The following EPHA1 variants were observed in gnomAD, a reference collection of about 807,000 sequenced individuals.
The protein encoded by EPHA1 is EPH receptor A1, also known as ephrin type-A receptor 1.
In EPHA1, 92 loss-of-function variants were observed where a neutral mutation model predicts 110.1. The observed-to-expected ratio is 0.84, with a 90% CI of 0.71 to 0.99. EPHA1 has a LOEUF of 0.99. Among genes scored for constraint, EPHA1 ranks in the 50% least tolerant of loss-of-function variants. The pLI, the probability that EPHA1 is intolerant of heterozygous loss-of-function variation, is 0.00. For missense variants in EPHA1, 1,204 were observed against 1,285.4 expected (o/e 0.94, Z 0.97); for synonymous variants, 500 against 516.1 (o/e 0.97, Z 0.42).
At position 143,391,457 on chromosome 7, in the gene EPHA1, T is replaced by A. The variant is rs1257638818; in HGVS notation, c.2931A>T (p.Ter977CysextTer64). The change falls in exon 18 of 18, where the codon TGA (stop) becomes TGT (cysteine). Residue 977 changes from the stop codon to cysteine (C), a stop_lost. Transcript: ENST00000275815. Reference protein sequence around the residue: ...ILCSIQGFKD* With the variant: ...ILCSIQGFKDC ...ATTGGGCATGGGGTGAGAGGAGGGA[T>A]CAGTCCTTGAATCCCTGAATACTGC... The A allele has an allele frequency of 6.2e-7, 1 of 1,614,034 alleles. No individual in the cohort carries two copies. Among genetic ancestry groups the A allele is most frequent in the South Asian group, 1.1e-5 (1 of 91,062 alleles).
chr7:143,396,977 G>A (rs1328704213), intron 10 of EPHA1, among the ~76,000 whole-genome samples: 5 of 152,162 alleles, frequency 3.3e-5, no homozygotes, highest in Non-Finnish European at 7.3e-5. Context: ...CTCCCGCCTG[G>A]CCTCGGCCCA....
chr7:143,404,974 A>G (rs1383118408), intron 2 of EPHA1, among the ~76,000 whole-genome samples: 1 of 117,172 alleles, frequency 8.5e-6, no homozygotes, highest in Non-Finnish European at 2.0e-5. Flanking sequence ...CAGCTCTGGG[A>G]AAAGGCAAAA....
At position 143,408,715 on chromosome 7, in the gene EPHA1, G is replaced by T. The variant is rs1805632098; in HGVS notation, c.82+9C>A. The T allele has an allele frequency of 1.4e-6, 1 of 694,796 alleles. No individual in the cohort carries two copies. Among genetic ancestry groups the T allele is most frequent in the South Asian group, 7.2e-5 (1 of 13,864 alleles). 43.0% of individuals were successfully genotyped at this position (694,796 alleles called of 1,614,324 possible). ...CGGGGGTTGGGGGCGCGGGGGCGGG[G>T]GTCGGTACCTTCCTTGGCGCGCGCC... On this transcript the variant is annotated intron_variant, in intron 1 of 17. Coordinates refer to ENST00000275815, the MANE Select transcript of EPHA1 (RefSeq NM_005232.5).
In EPHA1 at chr7:143,395,217, G is replaced by A. The variant is rs371392412; in HGVS notation, c.2084-35C>T. On this transcript the variant is annotated intron_variant, in intron 12 of 17. Transcript: ENST00000275815. The surrounding 1 kb of genome is among the most constrained non-coding windows in gnomAD (Gnocchi z 4.7). The stretch of plus-strand genomic sequence containing the variant: ...AGACACACATATCACACTCAGAACC[G>A]GGCTTCCTGCCCTTGGCCACACATC... 190 of 1,612,902 alleles carry A rather than the reference G, an allele frequency of 1.2e-4. No homozygotes were observed. The highest frequency in any genetic ancestry group is 4.7e-4 in the Admixed American group (28 of 60,016).
chr7:143,401,437 T>C lies in EPHA1; in HGVS notation c.319A>G (p.Lys107Glu), dbSNP rs749711811. 8.1e-6 allele frequency: 13 copies of C among 1,614,140 alleles called. No individual in the cohort carries two copies. Among genetic ancestry groups the C allele is most frequent in the Non-Finnish European group, 9.3e-6 (11 of 1,180,042 alleles). The change falls in exon 3 of 18, where the codon AAG becomes GAG. Residue 107 changes from lysine (K) to glutamate (E), a missense_variant. Coordinates refer to ENST00000275815, the MANE Select transcript of EPHA1 (RefSeq NM_005232.5). The surrounding 1 kb of genome is among the most constrained non-coding windows in gnomAD (Gnocchi z 4.1). The stretch of plus-strand genomic sequence containing the variant: ...GGCCCGGCTCCCCCAGGGAAACTCT[T>C]GCAGTCCCGCACGGTGAACTGCAGC... ...VELQFTVRDC[K>E]SFPGGAGPLG...
intron 11 of EPHA1, 59 bp downstream of exon 11, chr7:143,396,326 G>C: frequency 6.3e-7 from 1 of 1,577,562 alleles, no homozygotes; most frequent in South Asian, 1.1e-5. Flanking sequence ...GGGGCCTGCT[G>C]GTGGCTCTGT....
At chr7:143,406,742 C>T (rs1004712619) in intron 2 of EPHA1, among the ~76,000 whole-genome samples, 12 of 152,218 alleles carry the variant, frequency 7.9e-5, no homozygotes, top group African/African-American at 2.4e-4. Flanking sequence ...AGAGAACTGA[C>T]TGCAGGCGGG....
rs1028814084 is a variant in EPHA1 at position 143,399,285 on chromosome 7, C to G, written c.964G>C (p.Gly322Arg). 1 of 1,611,804 alleles carries G rather than the reference C, an allele frequency of 6.2e-7. No homozygotes were observed. The highest frequency in any genetic ancestry group is 1.7e-5 in the Admixed American group (1 of 59,966). ...GTGCATGCCACCTGGGGGCCCTCCC[C>G]GGGAGCTCTGTAATGGCCGCTCTCA... ...TCESGHYRAPGEGPQVACTGP... is the reference protein window; with the variant it reads ...TCESGHYRAPREGPQVACTGP... The change falls in exon 5 of 18, where the codon GGG (glycine) becomes CGG (arginine). Residue 322 changes from glycine to arginine, a missense_variant. Coordinates refer to ENST00000275815, the MANE Select transcript of EPHA1 (RefSeq NM_005232.5).
rs1400441769 is a variant in EPHA1, at chr7:143,401,737, C to G, written c.151-132G>C. 1.9e-6 allele frequency: 2 copies of G among 1,068,312 alleles called. No homozygotes were observed. Among genetic ancestry groups the G allele is most frequent in the South Asian group, 1.5e-5 (1 of 64,992 alleles). The allele number at this position is 1,068,312 out of a possible 1,614,324, so 66.2% of individuals were successfully genotyped here. A position where few individuals can be genotyped will look rare whatever the true frequency, so the allele number is the denominator to read the frequency against. ...TGCTACTTGTTCTGCCTCTCCCCAC[C>G]CCTCAGCTCCAGGACAGTAGACTGA... On this transcript the variant is annotated intron_variant, in intron 2 of 17. Coordinates refer to ENST00000275815, the MANE Select transcript of EPHA1 (RefSeq NM_005232.5). This position sits in a 1 kb window ranked among gnomAD's most constrained non-coding sequence, Gnocchi z 4.1.
chr7:143,401,177 G>A lies in EPHA1; in HGVS notation c.432+147C>T. 9.7e-7 allele frequency: 1 copy of A among 1,031,712 alleles called. No homozygotes were observed. 63.9% of individuals were successfully genotyped at this position (1,031,712 alleles called of 1,614,324 possible). A position where few individuals can be genotyped will look rare whatever the true frequency, so the allele number is the denominator to read the frequency against. On this transcript the variant is annotated intron_variant, in intron 3 of 17. Transcript: ENST00000275815. The surrounding 1 kb of genome is among the most constrained non-coding windows in gnomAD (Gnocchi z 4.1). ...CAAAGCACTGGAATTACAGGCACAA[G>A]CCACCATGCCCAGCCTTCAAGCGCC...
rs1805251041 is a variant in EPHA1 at position 143,396,427 on chromosome 7, G to T, written c.1855C>A (p.Leu619Ile). 1 of 1,613,606 alleles carries T rather than the reference G, an allele frequency of 6.2e-7. No individual in the cohort carries two copies. Among genetic ancestry groups the T allele is most frequent in the Non-Finnish European group, 8.5e-7 (1 of 1,179,934 alleles). Residue 619 changes from leucine to isoleucine, a missense_variant, in exon 11 of 18, where the codon CTT (leucine) becomes ATT (isoleucine). Leu to Ile is a conservative substitution (Grantham distance 5, BLOSUM62 2). Transcript: ENST00000275815. ...TCCACCATCAGCCACGCTGGATCAA[G>T]CTCCCGGGTAAAGTCCAGGGCTCCC... is the stretch of plus-strand genomic sequence containing the variant. ...AQGALDFTRE[L>I]DPAWLMVDTV...
At position 143,397,296 on chromosome 7, in the gene EPHA1, C is replaced by T. The variant is rs919457417; in HGVS notation, c.1771+8G>A. 14 of 1,547,998 alleles carry T rather than the reference C, an allele frequency of 9.0e-6. No individual in the cohort carries two copies. Among genetic ancestry groups the T allele is most frequent in the East Asian group, 4.9e-5 (2 of 40,864 alleles). ...ATGTGGGGACACACGCAGGTGCACC[C>T]GACTCACCTCGATCCACATCGGTGG... On this transcript the variant is annotated splice_region_variant and intron_variant, in intron 10 of 17. Coordinates refer to ENST00000275815, the MANE Select transcript of EPHA1 (RefSeq NM_005232.5).
Position 143,400,016 on chromosome 7 carries a change from C to G in EPHA1, c.470G>C (p.Arg157Pro), listed in dbSNP as rs779885233. 6.2e-7 allele frequency: 1 copy of G among 1,612,644 alleles called. No homozygotes were observed. Among genetic ancestry groups the G allele is most frequent in the Admixed American group, 1.7e-5 (1 of 59,984 alleles). ...TVAADQSFTI[R>P]DLVSGSVKLN... ...CTTCACGGAGCCAGACACAAGGTCT[C>G]GAATGGTGAAGCTCTGGTCTGCAGC... is the stretch of plus-strand genomic sequence containing the variant. Residue 157 changes from arginine to proline, a missense_variant, in exon 4 of 18, where the codon CGA (arginine) becomes CCA (proline). Coordinates refer to ENST00000275815, the MANE Select transcript of EPHA1 (RefSeq NM_005232.5).
intron 11 of EPHA1, among the ~76,000 whole-genome samples, chr7:143,396,105 A>C (rs1024578879): frequency 6.6e-6 from 1 of 152,242 alleles, no homozygotes; most frequent in Non-Finnish European, 1.5e-5. Flanking sequence ...TCTGTGGATG[A>C]AAACAGTGTA....
In EPHA1 at chr7:143,393,590, T is replaced by A; in HGVS notation, c.2696+81A>T. 6.6e-7 allele frequency: 1 copy of A among 1,506,566 alleles called. No homozygotes were observed. The highest frequency in any genetic ancestry group is 9.0e-7 in the Non-Finnish European group (1 of 1,111,064). The allele number at this position is 1,506,566 out of a possible 1,614,324, so 93.3% of individuals were successfully genotyped here. A position where few individuals can be genotyped will look rare whatever the true frequency, so the allele number is the denominator to read the frequency against. ...GTCCAGAGCTCCCCAGGCCCAGCGC[T>A]CAAAGAAGATTGGCTGAATGCCCAT... is the stretch of plus-strand genomic sequence containing the variant. On this transcript the variant is annotated intron_variant, in intron 16 of 17. Transcript: ENST00000275815. The surrounding 1 kb of genome is among the most constrained non-coding windows in gnomAD (Gnocchi z 5.6).
rs1389514626 is a variant in EPHA1, at chr7:143,397,789, C to T, written c.1615+131G>A. The stretch of plus-strand genomic sequence containing the variant: ...GCATCAGGTCGGTGTCTGTCCCCTA[C>T]CCCCGGAAGAAGGGAGTGTGTGTGC... On this transcript the variant is annotated intron_variant, in intron 8 of 17. Coordinates refer to ENST00000275815, the MANE Select transcript of EPHA1 (RefSeq NM_005232.5). The T allele has an allele frequency of 4.6e-6, 7 of 1,521,208 alleles. No individual in the cohort carries two copies. In the South Asian group the frequency reaches 5.8e-5, roughly 13 times the overall value. 94.2% of individuals were successfully genotyped at this position (1,521,208 alleles called of 1,614,324 possible).
chr7:143,407,575 G>C, intron 2 of EPHA1, 36 bp downstream of exon 2: 1 of 1,606,526 alleles, frequency 6.2e-7, no homozygotes, highest in Non-Finnish European at 8.5e-7. Context: ...TGGCCTTCAG[G>C]AGTTTTCCAA....
Position 143,400,010 on chromosome 7 carries a change from A to G in EPHA1, c.476T>C (p.Leu159Pro). The change falls in exon 4 of 18, where the codon CTT (leucine) becomes CCT (proline). Residue 159 changes from leucine to proline, a missense_variant. Leu to Pro is a moderately conservative substitution (Grantham distance 98). Coordinates refer to ENST00000275815, the MANE Select transcript of EPHA1 (RefSeq NM_005232.5). Reference protein sequence around the residue: ...AADQSFTIRDLVSGSVKLNVE... With the variant: ...AADQSFTIRDPVSGSVKLNVE... ...ATTCAGCTTCACGGAGCCAGACACA[A>G]GGTCTCGAATGGTGAAGCTCTGGTC... 7 of 1,613,344 alleles carry G rather than the reference A, an allele frequency of 4.3e-6. No homozygotes were observed. Among genetic ancestry groups the G allele is most frequent in the Non-Finnish European group, 5.9e-6 (7 of 1,179,576 alleles).
At position 143,391,554 on chromosome 7, in the gene EPHA1, G is replaced by C. The variant is rs756149881; in HGVS notation, c.2853-19C>G. ...CAGGTCCCTGTGGGCAAGGAAGGGT[G>C]GGGGCATGAGTCCGGAGGCTCCACC... On this transcript the variant is annotated intron_variant, in intron 17 of 17. Transcript: ENST00000275815. The C allele has an allele frequency of 3.8e-5, 62 of 1,614,022 alleles. 1 individual carries two copies. In the South Asian group the frequency reaches 4.0e-4, roughly 10 times the overall value.
Sources: allele counts gnomAD v4.1 joint callset (sites outside exome capture counted in the v4.1 genomes callset), GRCh38; gene constraint gnomAD v4.1.1; non-coding constraint Gnocchi (gnomAD v3.1); transcripts MANE v1.5; gene names NCBI Gene and HGNC (gene_info 2026-07-23, HGNC 2026-07-21).